The following SMCO4 variants were observed in gnomAD, a reference collection of about 807,000 sequenced individuals.
SMCO4 encodes the protein single-pass membrane and coiled-coil domain-containing protein 4.
SMCO4 carries 4 observed loss-of-function variants against 3.6 expected under a neutral mutation model. The observed-to-expected ratio is 1.11, with a 90% CI of 0.54 to 2.53. The LOEUF is 2.53. SMCO4 is among the 30% of genes most tolerant of loss of function. The pLI, the probability that SMCO4 is intolerant of heterozygous loss-of-function variation, is 0.02. For synonymous variants in SMCO4, 36 were observed against 35.3 expected (o/e 1.02, Z -0.07); for missense variants, 70 against 80.8 (o/e 0.87, Z 0.51).
chr11:93,533,621 A>G (rs1386804587), intron 1 of SMCO4, among the ~76,000 whole-genome samples: 2 of 152,146 alleles, frequency 1.3e-5, no homozygotes, highest in Non-Finnish European at 2.9e-5. Context: ...TCTATCTAAA[A>G]AAAGAGAAAA....
upstream of SMCO4, among the ~76,000 whole-genome samples, chr11:93,544,691 A>G (rs1949301737): frequency 6.6e-6 from 1 of 152,090 alleles, no homozygotes; most frequent in Non-Finnish European, 1.5e-5. Context: ...AAAGGCAGCA[A>G]TGCAGTAGAG....
At chr11:93,502,087 A>T (rs34580908) in intron 1 of SMCO4, among the ~76,000 whole-genome samples, 1 of 151,800 alleles carries the variant, frequency 6.6e-6, no homozygotes, top group African/African-American at 2.4e-5. Flanking sequence ...CTGATCTCCC[A>T]GATAATCTGG....
the SMCO4 span, among the ~76,000 whole-genome samples, chr11:93,550,573 GC>G: frequency 6.6e-6 from 1 of 152,176 alleles, no homozygotes; most frequent in Non-Finnish European, 1.5e-5. Flanking sequence ...TACTTGGGGG[GC>G]TGAGGCAGGA....
At chr11:93,508,318 G>C (rs1039862457) in intron 1 of SMCO4, among the ~76,000 whole-genome samples, 9 of 152,140 alleles carry the variant, frequency 5.9e-5, no homozygotes, top group Non-Finnish European at 1.2e-4. Context: ...AAATGGTATG[G>C]ACAGATTTGC....
At chr11:93,504,749 C>T (rs1489239398) in intron 1 of SMCO4, among the ~76,000 whole-genome samples, 4 of 152,090 alleles carry the variant, frequency 2.6e-5, no homozygotes, top group East Asian at 1.9e-4. Context: ...TAACATTTTC[C>T]CCAACGTGTG....
upstream of SMCO4, among the ~76,000 whole-genome samples, chr11:93,546,519 A>G (rs770610030): frequency 1.4e-4 from 22 of 152,184 alleles, no homozygotes; most frequent in Non-Finnish European, 2.5e-4. Context: ...ATCACGAAAC[A>G]TCAGAGATGG....
intron 1 of SMCO4, among the ~76,000 whole-genome samples, chr11:93,514,419 T>TATATATATATATATATATATAA (rs1555077574): frequency 2.3e-5 from 1 of 42,570 alleles, no homozygotes; most frequent in African/African-American, 7.3e-5. Flanking sequence ...TATATATATA[T>TATATATATATATATATATATAA]ATAAAATTTG....
intron 1 of SMCO4, among the ~76,000 whole-genome samples, chr11:93,505,750 T>C (rs976997784): frequency 6.6e-6 from 1 of 152,110 alleles, no homozygotes; most frequent in African/African-American, 2.4e-5. Flanking sequence ...TGCCCATTCA[T>C]CAACACTTAC....
At chr11:93,537,849 CAG>C (rs967521312) in intron 1 of SMCO4, 2 of 151,946 alleles carry the variant, frequency 1.3e-5, no homozygotes, top group African/African-American at 4.8e-5. Flanking sequence ...GACTCACCGG[CAG>C]AGACAGCTTG....
chr11:93,545,277 G>A (rs1193305324), upstream of SMCO4, among the ~76,000 whole-genome samples: 1 of 152,148 alleles, frequency 6.6e-6, no homozygotes, highest in East Asian at 1.9e-4. Flanking sequence ...TAATAACATA[G>A]ATATTGTGTC....
At chr11:93,544,742 C>G (rs1161955193), upstream of SMCO4, among the ~76,000 whole-genome samples, 1 of 152,078 alleles carries the variant, frequency 6.6e-6, no homozygotes, top group Non-Finnish European at 1.5e-5. Flanking sequence ...CTTGGGCTTT[C>G]TGCACCTCAG....
chr11:93,518,769 A>G (rs1166381903), intron 1 of SMCO4, among the ~76,000 whole-genome samples: 1 of 152,172 alleles, frequency 6.6e-6, no homozygotes, highest in Non-Finnish European at 1.5e-5. Context: ...GGATATTTTT[A>G]ACAAAAAAAT....
At chr11:93,536,110 A>G (rs377140169) in intron 1 of SMCO4, among the ~76,000 whole-genome samples, 3 of 152,064 alleles carry the variant, frequency 2.0e-5, no homozygotes, top group South Asian at 2.1e-4. Context: ...ATGTCTGTTT[A>G]TCAAGAAAAA....
chr11:93,515,638 T>C (rs1351804323), intron 1 of SMCO4, among the ~76,000 whole-genome samples: 1 of 152,076 alleles, frequency 6.6e-6, no homozygotes, highest in Non-Finnish European at 1.5e-5. Flanking sequence ...GCCTACAAGT[T>C]CCTCCTACTC....
At chr11:93,500,020 G>A (rs1269183068) in intron 1 of SMCO4, among the ~76,000 whole-genome samples, 1 of 152,160 alleles carries the variant, frequency 6.6e-6, no homozygotes, top group Non-Finnish European at 1.5e-5. Context: ...AAATAAATAA[G>A]AGTTCCCTTG....
rs1254464959 is a variant in SMCO4 at position 93,498,408 on chromosome 11, C to A, written c.-81+868G>T. On this transcript the variant is annotated intron_variant, in intron 2 of 2. Coordinates refer to ENST00000298966, the MANE Select transcript of SMCO4 (RefSeq NM_020179.3). ...CATGGCACAGATGGAGAAGGTGATC[C>A]ACCTGTGCAGCAGATAGGAGGGGCT... is the stretch of plus-strand genomic sequence containing the variant. Among the ~76,000 whole-genome samples the A allele has an allele frequency of 2.0e-5, 3 of 152,118 alleles. No homozygotes were observed. The East Asian group carries it at 5.8e-4, about 29-fold the overall frequency.
chr11:93,519,613 G>A (rs1383685855), intron 1 of SMCO4, among the ~76,000 whole-genome samples: 1 of 152,194 alleles, frequency 6.6e-6, no homozygotes, highest in Non-Finnish European at 1.5e-5. Context: ...ACACCAAGAT[G>A]AGCTCTGGTG....
chr11:93,529,034 C>T (rs1949138719), intron 1 of SMCO4, among the ~76,000 whole-genome samples: 1 of 152,190 alleles, frequency 6.6e-6, no homozygotes, highest in Non-Finnish European at 1.5e-5. Context: ...CCCTGTCTGG[C>T]TCCCACTCGT....
At chr11:93,489,138 G>A (rs1948685148) in intron 2 of SMCO4, among the ~76,000 whole-genome samples, 1 of 152,138 alleles carries the variant, frequency 6.6e-6, no homozygotes. Context: ...AGACTCGGAG[G>A]CAGTGCCGGC....
Sources: gnomAD v4.1 joint callset for allele counts (sites outside exome capture counted in the v4.1 genomes callset) on GRCh38, gnomAD v4.1.1 for gene constraint, MANE v1.5 for transcripts, NCBI Gene and HGNC (gene_info 2026-07-23, HGNC 2026-07-21) for gene names.